The following ASTN2 variants were observed in gnomAD, a reference collection of about 807,000 sequenced individuals.
The protein encoded by ASTN2 is astrotactin 2.
Under a neutral mutation model 139.8 loss-of-function variants are expected in ASTN2, and 54 were observed. The ratio of observed to expected loss-of-function variants is 0.39; its 90% CI spans 0.31 to 0.48. The LOEUF is 0.48. ASTN2 is among the 20% of genes least tolerant of loss of function. The probability of loss-of-function intolerance (pLI) is 0.95; values close to 1 mark genes in which losing one functional copy is unlikely to be tolerated. For missense variants in ASTN2, 1,565 were observed against 1,725.1 expected, an observed-to-expected ratio of 0.91 and a Z score of 1.64; for synonymous variants, 756 against 719.5, an observed-to-expected ratio of 1.05 and a Z score of -0.81.
chr9:117,066,264 C>T (rs1430397851), intron 5 of ASTN2, among the ~76,000 whole-genome samples: 15 of 141,576 alleles, frequency 1.1e-4, no homozygotes, highest in East Asian at 2.2e-4. Context: ...TGAGAATATG[C>T]GGTGTTTGGT....
chr9:117,409,020 C>T (rs1221155999), intron 1 of ASTN2, among the ~76,000 whole-genome samples: 2 of 152,146 alleles, frequency 1.3e-5, no homozygotes, highest in Non-Finnish European at 2.9e-5. Flanking sequence ...GAAACCTAGA[C>T]CATCACACCA....
At chr9:116,641,695 T>C (rs1376259227) in intron 17 of ASTN2, among the ~76,000 whole-genome samples, 1 of 152,210 alleles carries the variant, frequency 6.6e-6, no homozygotes, top group Non-Finnish European at 1.5e-5. Flanking sequence ...TAAAACTGTA[T>C]ATCTCGCATT....
chr9:116,537,476 G>T (rs1851690680), intron 19 of ASTN2, among the ~76,000 whole-genome samples: 1 of 152,180 alleles, frequency 6.6e-6, no homozygotes, highest in African/African-American at 2.4e-5. Context: ...CATTATATGA[G>T]ACACAGTGAT....
Position 117,415,055 on chromosome 9 carries a change from A to G in ASTN2, c.-117T>C, listed in dbSNP as rs1831294192. ...GAAGCGAACCAGGACGCCCGAGCTAAGGAGCGGAGAGAGCCGCTCGCCAGC... is the reference window on the plus strand; with the variant it reads ...GAAGCGAACCAGGACGCCCGAGCTAGGGAGCGGAGAGAGCCGCTCGCCAGC... On this transcript the variant is annotated 5_prime_UTR_variant, in exon 1 of 23. Transcript: ENST00000313400. 1 of 171,718 alleles carries G rather than the reference A, an allele frequency of 5.8e-6. No homozygotes were observed. The highest frequency in any genetic ancestry group is 2.4e-5 in the African/African-American group (1 of 41,832). 10.6% of individuals were successfully genotyped at this position (171,718 alleles called of 1,614,324 possible).
chr9:117,141,527 C>CCCCT, intron 3 of ASTN2, 49 bp from the exon 4 acceptor site: 1 of 1,336,118 alleles, frequency 7.5e-7, no homozygotes, highest in Non-Finnish European at 9.9e-7. Context: ...CCACCCTCAG[C>CCCCT]ACCTAGAGCA....
At chr9:117,395,465 G>A (rs1830652636) in intron 1 of ASTN2, among the ~76,000 whole-genome samples, 1 of 152,182 alleles carries the variant, frequency 6.6e-6, no homozygotes, top group Non-Finnish European at 1.5e-5. Flanking sequence ...ATAAAACACA[G>A]GAACTCTTGG....
At chr9:116,999,992 T>C (rs1721742648) in intron 7 of ASTN2, among the ~76,000 whole-genome samples, 1 of 152,232 alleles carries the variant, frequency 6.6e-6, no homozygotes, top group South Asian at 2.1e-4. Context: ...AGAGATGATA[T>C]CATATTTTCT....
rs117399273 is a variant in ASTN2 at position 116,592,196 on chromosome 9, G to A, written c.3355+26128C>T. Among the ~76,000 whole-genome samples the A allele has an allele frequency of 2.6e-3, 396 of 152,202 alleles. 2 individuals carry two copies. The Middle Eastern group carries it at 0.044, about 17-fold the overall frequency. On this transcript the variant is annotated intron_variant, in intron 19 of 22. Coordinates refer to ENST00000313400, the MANE Select transcript of ASTN2 (RefSeq NM_001365068.1). ...TACCAGTGTATCAGTCCATTCTTGC[G>A]TTGCTATAAAGAAATAACTGAGAAT...
chr9:117,116,670 G>A (rs1829400370), intron 4 of ASTN2, among the ~76,000 whole-genome samples: 5 of 150,580 alleles, frequency 3.3e-5, no homozygotes, highest in Admixed American at 3.3e-4. Flanking sequence ...CAAAGTCCTT[G>A]CAAAACTGCT....
rs146713109 is a variant in ASTN2, at chr9:116,652,040, C to T, written c.2807-247G>A. ...TGCTTTGTCTGGCCCTCATTTTTCC[C>T]GTATGTAAAGTTGGGGCCAGGCACA... On this transcript the variant is annotated intron_variant, in intron 16 of 22. Transcript: ENST00000313400. Among the ~76,000 whole-genome samples the T allele has an allele frequency of 8.6e-4, 131 of 152,120 alleles. 1 individual carries two copies. The highest frequency in any genetic ancestry group is 6.0e-3 in the Admixed American group (92 of 15,270).
At chr9:116,680,457 T>C (rs1289730324) in intron 16 of ASTN2, among the ~76,000 whole-genome samples, 1 of 152,234 alleles carries the variant, frequency 6.6e-6, no homozygotes, top group Admixed American at 6.5e-5. Flanking sequence ...AAGGAGGAAC[T>C]GGTATCATTC....
At chr9:116,652,044 T>C (rs73528799) in intron 16 of ASTN2, among the ~76,000 whole-genome samples, 4,286 of 152,166 alleles carry the variant, frequency 0.028, 184 homozygotes, top group African/African-American at 0.098. Flanking sequence ...TTTTCCCGTA[T>C]GTAAAGTTGG....
chr9:116,795,476 C>T (rs567393721), intron 13 of ASTN2, among the ~76,000 whole-genome samples: 95 of 152,340 alleles, frequency 6.2e-4, no homozygotes, highest in African/African-American at 2.2e-3. Context: ...GGACAGGTGA[C>T]AGAACACACT....
At position 116,941,529 on chromosome 9, in the gene ASTN2, A is replaced by G. The variant is rs1028774849; in HGVS notation, c.1889+33679T>C. Among the ~76,000 whole-genome samples, 11 of 151,542 alleles carry G rather than the reference A, an allele frequency of 7.3e-5. 1 individual carries two copies. In the South Asian group the frequency reaches 1.5e-3, roughly 20 times the overall value. ...AGCTGCTTGTTCTTTTCAAGCCTTCAAGTGATTGGATGAGACTCCCTACCC... is the reference window on the plus strand; with the variant it reads ...AGCTGCTTGTTCTTTTCAAGCCTTCGAGTGATTGGATGAGACTCCCTACCC... On this transcript the variant is annotated intron_variant, in intron 10 of 22. Coordinates refer to ENST00000313400, the MANE Select transcript of ASTN2 (RefSeq NM_001365068.1).
intron 22 of ASTN2, among the ~76,000 whole-genome samples, chr9:116,440,198 T>G (rs897679185): frequency 1.3e-5 from 2 of 152,148 alleles, no homozygotes; most frequent in Non-Finnish European, 2.9e-5. Context: ...AAATCATAGC[T>G]ATTTACTGTA....
At chr9:116,799,592 C>T (rs1830786951) in intron 13 of ASTN2, among the ~76,000 whole-genome samples, 1 of 151,662 alleles carries the variant, frequency 6.6e-6, no homozygotes, top group Admixed American at 6.6e-5. Context: ...ATTTCTGAGA[C>T]ACCAGGTTCA....
chr9:116,701,709 A>G (rs140747003), intron 16 of ASTN2, among the ~76,000 whole-genome samples: 1 of 152,278 alleles, frequency 6.6e-6, no homozygotes, highest in East Asian at 1.9e-4. Flanking sequence ...TAAAGCAGTT[A>G]TCTGTTGGCT....
At chr9:117,409,661 G>A (rs1424205387) in intron 1 of ASTN2, among the ~76,000 whole-genome samples, 1 of 152,030 alleles carries the variant, frequency 6.6e-6, no homozygotes, top group Non-Finnish European at 1.5e-5. Context: ...TTAGGGACAG[G>A]GTCTCCCCCT....
chr9:116,686,718 G>A (rs2132036952), intron 16 of ASTN2: 2 of 1,550,530 alleles, frequency 1.3e-6, no homozygotes, highest in East Asian at 2.4e-5. Context: ...AGGGACAGGG[G>A]CTGCAGAGTG....
Sources: gnomAD v4.1 joint callset for allele counts (sites outside exome capture counted in the v4.1 genomes callset) on GRCh38, gnomAD v4.1.1 for gene constraint, MANE v1.5 for transcripts, NCBI Gene and HGNC (gene_info 2026-07-23, HGNC 2026-07-21) for gene names.